The following XKR9 variants were observed in gnomAD, a reference collection of about 807,000 sequenced individuals.
XKR9 encodes XK-related protein 9.
Under a neutral mutation model 32.0 loss-of-function variants are expected in XKR9, and 32 were observed. The ratio of observed to expected loss-of-function variants is 1.00; its 90% CI spans 0.76 to 1.34. XKR9 has a LOEUF of 1.34. Ranked by LOEUF, XKR9 falls within the 40% of genes most tolerant of loss-of-function variation. The pLI is 0.00. For missense variants in XKR9, 546 were observed against 429.7 expected, an observed-to-expected ratio of 1.27 and a Z score of -2.39; for synonymous variants, 168 against 143.4, an observed-to-expected ratio of 1.17 and a Z score of -1.22.
the XKR9 span, among the ~76,000 whole-genome samples, chr8:70,946,327 T>A: frequency 2.4e-4 from 36 of 151,940 alleles, no homozygotes; most frequent in Admixed American, 4.6e-4. Context: ...TTTGTCCCCC[T>A]ATGTCATTTA....
At chr8:70,708,988 C>G (rs1364123585) in intron 4 of XKR9, among the ~76,000 whole-genome samples, 1 of 151,728 alleles carries the variant, frequency 6.6e-6, no homozygotes, top group Non-Finnish European at 1.5e-5. Flanking sequence ...GGCAGTGACA[C>G]AAGAAAAAAA....
chr8:70,874,036 G>T, the XKR9 span, among the ~76,000 whole-genome samples: 1 of 152,222 alleles, frequency 6.6e-6, no homozygotes, highest in Non-Finnish European at 1.5e-5. Context: ...TGAAGGCTCA[G>T]ATTGTTGTTA....
the XKR9 span, among the ~76,000 whole-genome samples, chr8:70,800,461 G>T: frequency 2.0e-5 from 3 of 152,010 alleles, no homozygotes; most frequent in Non-Finnish European, 4.4e-5. Context: ...TATACATCTG[G>T]TAGAATTTGG....
chr8:70,683,644 C>T (rs1819160682), intron 3 of XKR9: 4 of 393,784 alleles, frequency 1.0e-5, no homozygotes, highest in African/African-American at 2.1e-5. Flanking sequence ...TGTGCCATGA[C>T]ACTTGGTTAA....
the XKR9 span, among the ~76,000 whole-genome samples, chr8:70,835,037 T>C: frequency 6.6e-6 from 1 of 152,092 alleles, no homozygotes; most frequent in Non-Finnish European, 1.5e-5. Context: ...AATCCTAATA[T>C]GATCACATCA....
At chr8:70,892,837 A>C in the XKR9 span, among the ~76,000 whole-genome samples, 22 of 152,242 alleles carry the variant, frequency 1.4e-4, no homozygotes, top group African/African-American at 5.3e-4. Context: ...GGTTGAATCT[A>C]TTTGAGGATC....
chr8:70,794,795 G>C (rs559785072), downstream of XKR9, among the ~76,000 whole-genome samples: 7 of 145,978 alleles, frequency 4.8e-5, no homozygotes, highest in Non-Finnish European at 1.1e-4. Context: ...GTCTATATTC[G>C]TACGATATAA....
the XKR9 span, among the ~76,000 whole-genome samples, chr8:71,013,104 T>C: frequency 6.6e-6 from 1 of 152,024 alleles, no homozygotes; most frequent in Non-Finnish European, 1.5e-5. Context: ...AAGGTTGAAG[T>C]TGAAATAATT....
the XKR9 span, among the ~76,000 whole-genome samples, chr8:70,948,223 C>T: frequency 5.3e-5 from 8 of 152,080 alleles, no homozygotes; most frequent in East Asian, 3.9e-4. Context: ...AGGCATCATT[C>T]GTGCCAGTGA....
intron 4 of XKR9, among the ~76,000 whole-genome samples, chr8:70,725,938 A>G (rs1314640811): frequency 6.6e-6 from 1 of 152,000 alleles, no homozygotes; most frequent in Non-Finnish European, 1.5e-5. Context: ...AAACAACAAC[A>G]AAAAGTTCAT....
chr8:71,023,197 T>G, the XKR9 span, among the ~76,000 whole-genome samples: 1 of 152,224 alleles, frequency 6.6e-6, no homozygotes, highest in African/African-American at 2.4e-5. Flanking sequence ...TCCTGTGTCC[T>G]TTCACTGATT....
chr8:71,026,560 T>C, the XKR9 span, among the ~76,000 whole-genome samples: 2 of 152,206 alleles, frequency 1.3e-5, no homozygotes, highest in African/African-American at 2.4e-5. Context: ...AAACAATTGC[T>C]ATTGTCGCAG....
the XKR9 span, among the ~76,000 whole-genome samples, chr8:70,824,879 C>A: frequency 6.6e-6 from 1 of 151,782 alleles, no homozygotes; most frequent in Non-Finnish European, 1.5e-5. Context: ...ATCCCAGATA[C>A]AAGAACTCAT....
At chr8:70,867,182 GA>G in the XKR9 span, among the ~76,000 whole-genome samples, 1 of 152,184 alleles carries the variant, frequency 6.6e-6, no homozygotes, top group Non-Finnish European at 1.5e-5. Flanking sequence ...GCAAAGAGAA[GA>G]GAGAACTTGT....
intron 2 of XKR9, among the ~76,000 whole-genome samples, chr8:70,781,737 C>A (rs1807620052): frequency 6.6e-6 from 1 of 151,930 alleles, no homozygotes; most frequent in Non-Finnish European, 1.5e-5. Flanking sequence ...TGTATGTCTT[C>A]TTTTGAGAGT....
the XKR9 span, among the ~76,000 whole-genome samples, chr8:70,873,664 G>A: frequency 6.6e-6 from 1 of 152,182 alleles, no homozygotes; most frequent in African/African-American, 2.4e-5. Context: ...TCTTACGGAT[G>A]AGAAGAAAAA....
At chr8:71,036,296 CTT>C in the XKR9 span, among the ~76,000 whole-genome samples, 1 of 152,024 alleles carries the variant, frequency 6.6e-6, no homozygotes, top group Non-Finnish European at 1.5e-5. Context: ...CACTTACTGA[CTT>C]TTGATTTTTA....
At chr8:70,877,130 G>A in the XKR9 span, among the ~76,000 whole-genome samples, 10 of 152,078 alleles carry the variant, frequency 6.6e-5, no homozygotes, top group Non-Finnish European at 1.5e-4. Flanking sequence ...GTGGCAAGGA[G>A]AGAGAATGAG....
At chr8:70,954,179 G>T in the XKR9 span, among the ~76,000 whole-genome samples, 1 of 152,088 alleles carries the variant, frequency 6.6e-6, no homozygotes, top group Non-Finnish European at 1.5e-5. Context: ...TGAGAGCAGG[G>T]CAGGCTGCCT....
Sources: allele counts gnomAD v4.1 joint callset (sites outside exome capture counted in the v4.1 genomes callset), GRCh38; gene constraint gnomAD v4.1.1; transcripts MANE v1.5; gene names NCBI Gene and HGNC (gene_info 2026-07-23, HGNC 2026-07-21).